STARD13: variants seen among roughly 807,000 people sequenced by gnomAD.
The protein encoded by STARD13 is stAR-related lipid transfer protein 13.
STARD13 carries 62 observed loss-of-function variants against 106.4 expected under a neutral mutation model. The ratio of observed to expected loss-of-function variants is 0.58; its 90% CI spans 0.48 to 0.72. The LOEUF is 0.72. STARD13 is among the 30% of genes least tolerant of loss of function. STARD13 has a pLI of 0.00. For missense variants in STARD13, 1,387 were observed against 1,424.0 expected (o/e 0.97, Z 0.42); for synonymous variants, 565 against 553.0 (o/e 1.02, Z -0.31).
chr13:33,434,423 T>C, the STARD13 span, among the ~76,000 whole-genome samples: 12 of 150,906 alleles, frequency 8.0e-5, no homozygotes, highest in South Asian at 8.5e-4. Flanking sequence ...TTCCAACTTA[T>C]ACACTTATTG....
chr13:33,470,712 T>TA, the STARD13 span, among the ~76,000 whole-genome samples: 1 of 152,252 alleles, frequency 6.6e-6, no homozygotes, highest in African/African-American at 2.4e-5. Flanking sequence ...GTTGGCTGCA[T>TA]AAATGTCTTC....
At chr13:33,203,674 A>G (rs1421671058) in intron 1 of STARD13, among the ~76,000 whole-genome samples, 1 of 152,260 alleles carries the variant, frequency 6.6e-6, no homozygotes, top group African/African-American at 2.4e-5. Flanking sequence ...AGAAAATCAA[A>G]TAGTTATTCT....
intron 1 of STARD13, among the ~76,000 whole-genome samples, chr13:33,298,538 G>C (rs4943090): frequency 0.96 from 146,230 of 152,032 alleles, 70,583 homozygotes; most frequent in East Asian, 1. Context: ...CCACCTTTAC[G>C]GCTTACTATG....
rs113639489 is a variant in STARD13, at chr13:33,285,655, T to C, written c.-17A>G. 1.4e-3 allele frequency: 2,243 copies of C among 1,611,306 alleles called. 18 individuals carry two copies. The African/African-American group carries it at 0.025, about 18-fold the overall frequency. On this transcript the variant is annotated 5_prime_UTR_variant, in exon 1 of 14. Transcript: ENST00000336934. ...ACTGAACATCTCGGCAGATTTCCTATTGCCACCTCAGTCTGCCTGTGGCTG... is the reference window on the plus strand; with the variant it reads ...ACTGAACATCTCGGCAGATTTCCTACTGCCACCTCAGTCTGCCTGTGGCTG...
chr13:33,388,125 ACC>A, the STARD13 span, among the ~76,000 whole-genome samples: 1 of 152,218 alleles, frequency 6.6e-6, no homozygotes, highest in African/African-American at 2.4e-5. Flanking sequence ...CTCTTCCCCA[ACC>A]ACCAGAGGCG....
the STARD13 span, among the ~76,000 whole-genome samples, chr13:33,572,690 A>G: frequency 6.6e-6 from 1 of 152,220 alleles, no homozygotes; most frequent in Non-Finnish European, 1.5e-5. Context: ...CCATGGATTC[A>G]ACCAACCATA....
chr13:33,338,842 G>A (rs1001942660), intron 1 of STARD13, among the ~76,000 whole-genome samples: 2 of 148,738 alleles, frequency 1.3e-5, no homozygotes, highest in Non-Finnish European at 3.0e-5. Flanking sequence ...CTGAGATCGC[G>A]GCACTGCACT....
Position 33,311,707 on chromosome 13 carries a change from G to A in STARD13, c.124+38583C>T, listed in dbSNP as rs549596538. On this transcript the variant is annotated intron_variant, in intron 1 of 5. Coordinates refer to the STARD13 transcript ENST00000567873. The stretch of plus-strand genomic sequence containing the variant: ...ATTGAGTCAAAACGGAATATTTAGT[G>A]GGCTCCTTTTTGGTTCTGGGATACA... 1.6e-3 allele frequency among the ~76,000 whole-genome samples: 247 copies of A among 152,246 alleles called. 1 individual carries two copies. Among genetic ancestry groups the A allele is most frequent in the Middle Eastern group, 6.8e-3 (2 of 294 alleles).
chr13:33,240,239 C>A (rs1889401866), intron 1 of STARD13, among the ~76,000 whole-genome samples: 1 of 152,106 alleles, frequency 6.6e-6, no homozygotes. Context: ...TTCCATTGTT[C>A]CATATGTCTG....
At chr13:33,663,915 C>T in the STARD13 span, among the ~76,000 whole-genome samples, 1 of 152,186 alleles carries the variant, frequency 6.6e-6, no homozygotes, top group East Asian at 1.9e-4. Flanking sequence ...TGGCACCGTT[C>T]CTCCGACTCT....
At chr13:33,116,476 C>T (rs1228003688) in intron 8 of STARD13, among the ~76,000 whole-genome samples, 1 of 152,190 alleles carries the variant, frequency 6.6e-6, no homozygotes, top group Admixed American at 6.5e-5. Flanking sequence ...CCATGCTAAG[C>T]ACGGTGCCCA....
the STARD13 span, among the ~76,000 whole-genome samples, chr13:33,357,767 TA>T: frequency 6.6e-6 from 1 of 152,130 alleles, no homozygotes; most frequent in African/African-American, 2.4e-5. Context: ...CCATCTCTAC[TA>T]AAAATACAAA....
At chr13:33,364,830 A>G in the STARD13 span, among the ~76,000 whole-genome samples, 3 of 152,194 alleles carry the variant, frequency 2.0e-5, no homozygotes, top group Admixed American at 6.5e-5. Flanking sequence ...CGGAGCTTGC[A>G]GTGAGCCGAG....
chr13:33,577,938 C>A, the STARD13 span, among the ~76,000 whole-genome samples: 2 of 151,954 alleles, frequency 1.3e-5, no homozygotes, highest in Admixed American at 1.3e-4. Context: ...ACAAAAAAAT[C>A]TTTGAAAAGC....
At chr13:33,133,695 G>A (rs1335833990) in intron 4 of STARD13, among the ~76,000 whole-genome samples, 1 of 150,364 alleles carries the variant, frequency 6.7e-6, no homozygotes, top group Non-Finnish European at 1.5e-5. Flanking sequence ...ATCCTTGTTT[G>A]TTTGTATTCT....
In STARD13 at chr13:33,167,515, T is replaced by C. The variant is rs375666508; in HGVS notation, c.241+36A>G. ...ATACGTGTGGTTCATTTTGGATTTA[T>C]TCTCTGTGTAAGAGCGAAGCGAAGG... On this transcript the variant is annotated intron_variant, in intron 2 of 13. Transcript: ENST00000336934. 9 of 1,607,718 alleles carry C rather than the reference T, an allele frequency of 5.6e-6. No individual in the cohort carries two copies. The African/African-American group carries it at 6.7e-5, about 12-fold the overall frequency.
chr13:33,328,971 A>G (rs1009901752), intron 1 of STARD13, among the ~76,000 whole-genome samples: 1 of 152,260 alleles, frequency 6.6e-6, no homozygotes, highest in Non-Finnish European at 1.5e-5. Flanking sequence ...TGAGGATTCC[A>G]GAGAGCAACT....
the STARD13 span, among the ~76,000 whole-genome samples, chr13:33,403,186 G>A: frequency 4.6e-5 from 7 of 152,304 alleles, no homozygotes; most frequent in Admixed American, 2.0e-4. Context: ...TCCCCCTCCT[G>A]TCAGGAGTTT....
chr13:33,673,784 G>T, the STARD13 span, among the ~76,000 whole-genome samples: 1 of 151,782 alleles, frequency 6.6e-6, no homozygotes, highest in Non-Finnish European at 1.5e-5. Flanking sequence ...TGATCTGCCT[G>T]CCTTGGCCTC....
Sources: gnomAD v4.1 joint callset for allele counts (sites outside exome capture counted in the v4.1 genomes callset) on GRCh38, gnomAD v4.1.1 for gene constraint, MANE v1.5 for transcripts, NCBI Gene and HGNC (gene_info 2026-07-23, HGNC 2026-07-21) for gene names.